The following MTAP variants were observed in gnomAD, a reference collection of about 807,000 sequenced individuals.
MTAP encodes the protein S-methyl-5'-thioadenosine phosphorylase.
MTAP carries 33 observed loss-of-function variants against 33.6 expected under a neutral mutation model. The ratio of observed to expected loss-of-function variants is 0.98; its 90% CI spans 0.74 to 1.31. The LOEUF (loss-of-function observed/expected upper bound fraction) is 1.31, where lower values mean the gene tolerates loss of function less well. Ranked by LOEUF, MTAP falls within the 40% of genes most tolerant of loss-of-function variation. MTAP has a pLI of 0.00. For synonymous variants in MTAP, 148 were observed against 125.7 expected (o/e 1.18, Z -1.19); for missense variants, 367 against 360.0 (o/e 1.02, Z -0.16).
intron 1 of MTAP, chr9:21,893,723 C>T (rs1818236959): frequency 6.6e-6 from 1 of 151,968 alleles, no homozygotes; most frequent in South Asian, 2.1e-4. Flanking sequence ...CCTGAACAGA[C>T]CATTAATGAG....
At chr9:21,885,511 G>T (rs1005299190) in intron 1 of MTAP, among the ~76,000 whole-genome samples, 1 of 151,774 alleles carries the variant, frequency 6.6e-6, no homozygotes, top group Non-Finnish European at 1.5e-5. Flanking sequence ...CAAAATTTTG[G>T]TACACCCATC....
chr9:21,857,203 T>C (rs1488118779), intron 6 of MTAP, among the ~76,000 whole-genome samples: 1 of 152,160 alleles, frequency 6.6e-6, no homozygotes, highest in Non-Finnish European at 1.5e-5. Flanking sequence ...GGGAGGTCAG[T>C]GTCTATACAG....
intron 1 of MTAP, chr9:21,803,177 G>C: frequency 5.0e-6 from 2 of 396,132 alleles, no homozygotes; most frequent in Non-Finnish European, 8.8e-6. Flanking sequence ...CACCCGGCTG[G>C]AGTCAGGAGG....
At chr9:21,807,148 A>T (rs1824227562) in intron 1 of MTAP, among the ~76,000 whole-genome samples, 1 of 152,226 alleles carries the variant, frequency 6.6e-6, no homozygotes, top group Admixed American at 6.5e-5. Context: ...TGGGCGACAG[A>T]GTAAGATCCT....
At chr9:21,916,468 G>T (rs1418605148) in intron 1 of MTAP, among the ~76,000 whole-genome samples, 1 of 151,974 alleles carries the variant, frequency 6.6e-6, no homozygotes, top group African/African-American at 2.4e-5. Flanking sequence ...AAATTAGCTG[G>T]GCATGGTGGC....
intron 1 of MTAP, among the ~76,000 whole-genome samples, chr9:21,887,537 G>A: frequency 6.6e-6 from 1 of 152,110 alleles, no homozygotes; most frequent in Non-Finnish European, 1.5e-5. Context: ...TTGGTTCCAA[G>A]TCTTTGCTAT....
intron 1 of MTAP, among the ~76,000 whole-genome samples, chr9:21,927,587 C>T (rs958187503): frequency 3.3e-5 from 5 of 152,066 alleles, no homozygotes; most frequent in African/African-American, 9.7e-5. Flanking sequence ...CAATATCAGC[C>T]CCTAGGTTAT....
At chr9:21,901,069 A>G (rs1335502634) in intron 1 of MTAP, among the ~76,000 whole-genome samples, 4 of 152,224 alleles carry the variant, frequency 2.6e-5, no homozygotes, top group South Asian at 2.1e-4. Context: ...CTTAGGTACT[A>G]TGCTTATTAC....
intron 1 of MTAP, among the ~76,000 whole-genome samples, chr9:21,919,946 A>G (rs1161393313): frequency 1.3e-5 from 2 of 152,208 alleles, no homozygotes; most frequent in Non-Finnish European, 2.9e-5. Context: ...TTTCAATGTG[A>G]AAATAAAATA....
At chr9:21,856,413 T>C (rs1825644514) in intron 6 of MTAP, among the ~76,000 whole-genome samples, 1 of 152,212 alleles carries the variant, frequency 6.6e-6, no homozygotes, top group South Asian at 2.1e-4. Context: ...TGTAAGAGAT[T>C]CGCAAATTAT....
intron 1 of MTAP, among the ~76,000 whole-genome samples, chr9:21,886,771 C>G (rs1239587600): frequency 6.6e-6 from 1 of 152,188 alleles, no homozygotes; most frequent in African/African-American, 2.4e-5. Context: ...TTTCTGGATA[C>G]TCTATTCTGT....
chr9:21,803,759 T>C (rs1824130742), intron 1 of MTAP, among the ~76,000 whole-genome samples: 1 of 152,242 alleles, frequency 6.6e-6, no homozygotes, highest in Admixed American at 6.5e-5. Flanking sequence ...ATTTTTGGCC[T>C]ATGGGATAGG....
Position 21,864,877 on chromosome 9 carries a change from G to A in MTAP, c.*2863G>A, listed in dbSNP as rs1392032898. On this transcript the variant is annotated 3_prime_UTR_variant, in exon 8 of 8. Transcript: ENST00000644715. ...CTGGCTGCTACCTCAGGGCATGGTT[G>A]TGGCCCCACCAACACCTATTTTCCA... 51 of 985,368 alleles carry A rather than the reference G, an allele frequency of 5.2e-5. No individual in the cohort carries two copies. Among genetic ancestry groups the A allele is most frequent in the Non-Finnish European group, 6.1e-5 (51 of 829,964 alleles). The allele number at this position is 985,368 out of a possible 1,614,324, so 61.0% of individuals were successfully genotyped here.
chr9:21,804,252 A>G lies in MTAP; in HGVS notation c.33+1471A>G, dbSNP rs370328850. ...AATGATCTTTTCCCCAAAAATTATT[A>G]AGTTATTGTGTTAGGTATCATTAGG... On this transcript the variant is annotated intron_variant, in intron 1 of 7. Coordinates refer to ENST00000644715, the MANE Select transcript of MTAP (RefSeq NM_002451.4). Among the ~76,000 whole-genome samples the G allele has an allele frequency of 4.6e-5, 7 of 152,180 alleles. No homozygotes were observed. In the East Asian group the frequency reaches 9.6e-4, roughly 21 times the overall value.
At chr9:21,848,441 G>GTAGGGATTTGGGCCCACTAAA (rs1563845427) in intron 5 of MTAP, among the ~76,000 whole-genome samples, 2 of 152,330 alleles carry the variant, frequency 1.3e-5, no homozygotes, top group East Asian at 3.9e-4. Flanking sequence ...GGCCCACTAA[G>GTAGGGATTTGGGCCCACTAAA]TAGGGATTCT....
intron 1 of MTAP, among the ~76,000 whole-genome samples, chr9:21,923,273 A>G (rs1178878383): frequency 2.0e-5 from 3 of 152,072 alleles, no homozygotes; most frequent in Non-Finnish European, 4.4e-5. Flanking sequence ...CATCCCTGTT[A>G]TGCTCCAGGG....
At chr9:21,838,032 T>C (rs1825152471) in intron 5 of MTAP, 22 bp downstream of exon 5, 2 of 1,590,726 alleles carry the variant, frequency 1.3e-6, no homozygotes, top group Admixed American at 1.7e-5. Context: ...TTCTGGAAGG[T>C]GTACCAGAAT....
intron 4 of MTAP, among the ~76,000 whole-genome samples, chr9:21,822,234 T>G (rs907785253): frequency 6.6e-6 from 1 of 152,224 alleles, no homozygotes; most frequent in African/African-American, 2.4e-5. Context: ...GGTGTCAATT[T>G]TAGATCTCTC....
intron 1 of MTAP, among the ~76,000 whole-genome samples, chr9:21,925,923 C>T (rs1167183309): frequency 6.6e-6 from 1 of 152,166 alleles, no homozygotes; most frequent in African/African-American, 2.4e-5. Context: ...GTGCCCATAA[C>T]CCAAAGGTTC....
Sources: gnomAD v4.1 joint callset for allele counts (sites outside exome capture counted in the v4.1 genomes callset) on GRCh38, gnomAD v4.1.1 for gene constraint, MANE v1.5 for transcripts, NCBI Gene and HGNC (gene_info 2026-07-23, HGNC 2026-07-21) for gene names.